The following TFAP4 variants were observed in gnomAD, a reference collection of about 807,000 sequenced individuals.
TFAP4 encodes the protein transcription factor AP-4, also known as activating enhancer-binding protein 4.
TFAP4 carries 7 observed loss-of-function variants against 40.4 expected under a neutral mutation model. That is an observed-to-expected ratio of 0.17 (90% CI 0.10 to 0.33). The LOEUF is 0.33. TFAP4 is among the 10% of genes least tolerant of loss of function. The pLI is 1.00. For missense variants in TFAP4, 374 were observed against 451.1 expected (o/e 0.83, Z 1.55); for synonymous variants, 218 against 181.4 (o/e 1.20, Z -1.62).
In TFAP4 at chr16:4,262,647, A is replaced by T. The variant is rs1418013715; in HGVS notation, c.144T>A (p.Ile48=). ...PETQRDQERR[I]RREIANSNER... is the part of the protein sequence containing the mutation. Reference sequence around the variant, plus strand: ...CGTTGCTGTTGGCGATCTCCCGCCGAATCCGCCGCTCCTGGTCCCGCTGAG... The same window carrying T: ...CGTTGCTGTTGGCGATCTCCCGCCGTATCCGCCGCTCCTGGTCCCGCTGAG... Residue 48 remains isoleucine (I), a synonymous_variant, in exon 2 of 7, where the codon ATT becomes ATA. Coordinates refer to ENST00000204517, the MANE Select transcript of TFAP4 (RefSeq NM_003223.3). The T allele has an allele frequency of 1.9e-6, 3 of 1,610,258 alleles. No homozygotes were observed. The highest frequency in any genetic ancestry group is 2.5e-6 in the Non-Finnish European group (3 of 1,179,742).
At position 4,261,765 on chromosome 16, in the gene TFAP4, G is replaced by C; in HGVS notation, c.525+14C>G. The C allele has an allele frequency of 1.9e-6, 3 of 1,592,014 alleles. No individual in the cohort carries two copies. Among genetic ancestry groups the C allele is most frequent in the Non-Finnish European group, 2.6e-6 (3 of 1,171,590 alleles). On this transcript the variant is annotated intron_variant, in intron 4 of 6. Transcript: ENST00000204517. Reference sequence around the variant, plus strand: ...TGCACCGCGCGCCGTGCCCAGCAGAGGGCGCTGCCTCACCTGCTCCTCCAG... The same window carrying C: ...TGCACCGCGCGCCGTGCCCAGCAGACGGCGCTGCCTCACCTGCTCCTCCAG...
At chr16:4,264,546 C>T (rs1488178890) in intron 1 of TFAP4, 2 of 152,284 alleles carry the variant, frequency 1.3e-5, no homozygotes, top group African/African-American at 2.4e-5. Context: ...AAAAGGGGCC[C>T]GGGCCCCCCA....
chr16:4,270,609 G>C (rs1016506173), intron 1 of TFAP4, among the ~76,000 whole-genome samples: 4 of 152,198 alleles, frequency 2.6e-5, no homozygotes, highest in African/African-American at 9.7e-5. Context: ...CCTGGACGAA[G>C]GCCCTACACC....
In TFAP4 at chr16:4,257,817, G is replaced by A. The variant is rs1204134889; in HGVS notation, c.*238C>T. 9 of 423,448 alleles carry A rather than the reference G, an allele frequency of 2.1e-5. No homozygotes were observed. The highest frequency in any genetic ancestry group is 7.6e-5 in the East Asian group (2 of 26,476). The allele number at this position is 423,448 out of a possible 1,614,324, so 26.2% of individuals were successfully genotyped here. On this transcript the variant is annotated 3_prime_UTR_variant, in exon 7 of 7. Coordinates refer to ENST00000204517, the MANE Select transcript of TFAP4 (RefSeq NM_003223.3). ...TCAGCTTCCTCCAGCCCCCGGGGCCGAGGCCCCGCCCTGGGGTGCCGATGC... is the reference window on the plus strand; with the variant it reads ...TCAGCTTCCTCCAGCCCCCGGGGCCAAGGCCCCGCCCTGGGGTGCCGATGC...
intron 6 of TFAP4, chr16:4,258,575 C>A (rs2052918560): frequency 4.6e-6 from 1 of 217,206 alleles, no homozygotes; most frequent in South Asian, 1.5e-4. Context: ...CCATCCCCAG[C>A]TAACTTCTGT....
intron 3 of TFAP4, 62 bp downstream of exon 3, chr16:4,262,262 C>A (rs2052956098): frequency 1.9e-6 from 3 of 1,565,278 alleles, no homozygotes; most frequent in Non-Finnish European, 2.6e-6. Flanking sequence ...AGTCCCAGGC[C>A]CATGGCTGGG....
chr16:4,265,656 C>T (rs1215049269), intron 1 of TFAP4: 2 of 137,682 alleles, frequency 1.5e-5, no homozygotes, highest in Admixed American at 7.6e-5. Flanking sequence ...ATTCGGAAAT[C>T]GCTGTAATCG....
chr16:4,267,252 TC>T (rs1219098728), intron 1 of TFAP4: 4 of 152,376 alleles, frequency 2.6e-5, no homozygotes, highest in African/African-American at 9.6e-5. Context: ...CAGGCTGGTC[TC>T]GAACTGTTGA....
In TFAP4 at chr16:4,262,677, G is replaced by A. The variant is rs2052959605; in HGVS notation, c.114C>T (p.Pro38=). Residue 38 remains proline, a synonymous_variant, in exon 2 of 7, where the codon CCC becomes CCT. Coordinates refer to ENST00000204517, the MANE Select transcript of TFAP4 (RefSeq NM_003223.3). ...LCSLANIPLT[P]ETQRDQERRI... ...GCCGCTCCTGGTCCCGCTGAGTCTCGGGGGTTAGTGGAATGTTGGCAAGGC... is the reference window on the plus strand; with the variant it reads ...GCCGCTCCTGGTCCCGCTGAGTCTCAGGGGTTAGTGGAATGTTGGCAAGGC... 1 of 1,609,704 alleles carries A rather than the reference G, an allele frequency of 6.2e-7. No individual in the cohort carries two copies. Among genetic ancestry groups the A allele is most frequent in the Non-Finnish European group, 8.5e-7 (1 of 1,179,968 alleles).
At chr16:4,267,874 C>T (rs1276896810) in intron 1 of TFAP4, among the ~76,000 whole-genome samples, 2 of 152,144 alleles carry the variant, frequency 1.3e-5, no homozygotes, top group African/African-American at 2.4e-5. Context: ...CACCCATACT[C>T]TGTACTCTGA....
chr16:4,262,200 A>G lies in TFAP4; in HGVS notation c.354+124T>C, dbSNP rs2052955770. 1.2e-5 allele frequency: 14 copies of G among 1,178,556 alleles called. No homozygotes were observed. In the Admixed American group the frequency reaches 2.1e-4, roughly 17 times the overall value. The allele number at this position is 1,178,556 out of a possible 1,614,324, so 73.0% of individuals were successfully genotyped here. A position where few individuals can be genotyped will look rare whatever the true frequency, so the allele number is the denominator to read the frequency against. ...AAACTGAGGCCGGGGCAGGAAAAAAAGTGCCTGGAAGTACTTGTCAGTGGG... is the reference window on the plus strand; with the variant it reads ...AAACTGAGGCCGGGGCAGGAAAAAAGGTGCCTGGAAGTACTTGTCAGTGGG... On this transcript the variant is annotated intron_variant, in intron 3 of 6. Coordinates refer to ENST00000204517, the MANE Select transcript of TFAP4 (RefSeq NM_003223.3).
At chr16:4,263,737 A>C (rs1427495269) in intron 1 of TFAP4, 1 of 152,942 alleles carries the variant, frequency 6.5e-6, no homozygotes, top group Non-Finnish European at 1.5e-5. Flanking sequence ...AGCAGTGGCC[A>C]GTGCGGTGAG....
chr16:4,263,745 G>C (rs1256134426), intron 1 of TFAP4: 1 of 153,154 alleles, frequency 6.5e-6, no homozygotes, highest in Non-Finnish European at 1.5e-5. Context: ...CCAGTGCGGT[G>C]AGAAGGCAGC....
At chr16:4,262,196 A>G in intron 3 of TFAP4, 128 bp downstream of exon 3, 1 of 1,173,790 alleles carries the variant, frequency 8.5e-7, no homozygotes, top group South Asian at 1.3e-5. Context: ...GGGGCAGGAA[A>G]AAAAGTGCCT....
In TFAP4 at chr16:4,257,740, A is replaced by G. The variant is rs1039239822; in HGVS notation, c.*315T>C. 5 of 269,276 alleles carry G rather than the reference A, an allele frequency of 1.9e-5. No individual in the cohort carries two copies. In the Admixed American group the frequency reaches 2.0e-4, roughly 11 times the overall value. 16.7% of individuals were successfully genotyped at this position (269,276 alleles called of 1,614,324 possible). A position where few individuals can be genotyped will look rare whatever the true frequency, so the allele number is the denominator to read the frequency against. ...TTAATTTTCCCTGTTCTTAAAAAACATATTTAAAGGAAAAAATGCTTTTTG... is the reference window on the plus strand; with the variant it reads ...TTAATTTTCCCTGTTCTTAAAAAACGTATTTAAAGGAAAAAATGCTTTTTG... On this transcript the variant is annotated 3_prime_UTR_variant, in exon 7 of 7. Transcript: ENST00000204517.
chr16:4,259,068 A>G lies in TFAP4; in HGVS notation c.823-819T>C, dbSNP rs369157326. Among the ~76,000 whole-genome samples, 17 of 152,040 alleles carry G rather than the reference A, an allele frequency of 1.1e-4. No homozygotes were observed. In the East Asian group the frequency reaches 3.3e-3, roughly 30 times the overall value. On this transcript the variant is annotated intron_variant, in intron 6 of 6. Transcript: ENST00000204517. ...GCACCATTGCACTCCAGCCTGGGCA[A>G]TAAGAGCGAAACTCTATCTCAAAAA...
At chr16:4,266,757 G>C (rs1157692709) in intron 1 of TFAP4, 3 of 152,142 alleles carry the variant, frequency 2.0e-5, no homozygotes, top group Non-Finnish European at 4.4e-5. Flanking sequence ...TTACGGTTAA[G>C]GTCTGTAAAC....
intron 1 of TFAP4, among the ~76,000 whole-genome samples, chr16:4,269,795 G>C (rs776374023): frequency 1.4e-5 from 2 of 146,832 alleles, no homozygotes; most frequent in Non-Finnish European, 3.0e-5. Flanking sequence ...GTGCGACAGA[G>C]TGAGAGTCCA....
intron 1 of TFAP4, chr16:4,264,080 G>A (rs2052971304): frequency 6.6e-6 from 1 of 152,428 alleles, no homozygotes; most frequent in Non-Finnish European, 1.5e-5. Context: ...CTGGGCCAAG[G>A]GGGCTCATGC....
Sources: allele counts gnomAD v4.1 joint callset (sites outside exome capture counted in the v4.1 genomes callset), GRCh38; gene constraint gnomAD v4.1.1; transcripts MANE v1.5; gene names NCBI Gene and HGNC (gene_info 2026-07-23, HGNC 2026-07-21).